The following DPP6 variants were observed in gnomAD, a reference collection of about 807,000 sequenced individuals.
DPP6 encodes the protein A-type potassium channel modulatory protein DPP6.
In DPP6, 69 loss-of-function variants were observed where a neutral mutation model predicts 122.6. The ratio of observed to expected loss-of-function variants is 0.56; its 90% CI spans 0.46 to 0.69. The LOEUF (loss-of-function observed/expected upper bound fraction) is 0.69. DPP6 is among the 30% of genes least tolerant of loss of function. The pLI is 0.00. For synonymous variants in DPP6, 418 were observed against 433.1 expected, an observed-to-expected ratio of 0.97 and a Z score of 0.43; for missense variants, 928 against 1,116.9, an observed-to-expected ratio of 0.83 and a Z score of 2.41.
chr7:154,695,656 A>G (rs1051253803), intron 7 of DPP6, among the ~76,000 whole-genome samples: 3 of 152,142 alleles, frequency 2.0e-5, no homozygotes, highest in Non-Finnish European at 2.9e-5. Flanking sequence ...GGCTCTGCAG[A>G]GCAGGCAAGG....
At chr7:154,578,632 T>G (rs1831843305) in intron 5 of DPP6, among the ~76,000 whole-genome samples, 1 of 152,148 alleles carries the variant, frequency 6.6e-6, no homozygotes, top group East Asian at 1.9e-4. Flanking sequence ...GTGAGTTGCT[T>G]GAACAGTTCC....
At chr7:154,120,247 C>CTT (rs752134239) in intron 1 of DPP6, among the ~76,000 whole-genome samples, 17 of 144,446 alleles carry the variant, frequency 1.2e-4, no homozygotes, top group East Asian at 2.0e-4. Flanking sequence ...TTTCTCTCTT[C>CTT]TTTTTTTTTT....
At chr7:154,824,096 T>C (rs899476949) in intron 16 of DPP6, among the ~76,000 whole-genome samples, 2 of 152,226 alleles carry the variant, frequency 1.3e-5, no homozygotes, top group Non-Finnish European at 2.9e-5. Flanking sequence ...AAAAGTCTGT[T>C]TCTTAGTTGT....
chr7:154,643,467 CTTTTTTT>C (rs61520162), intron 6 of DPP6, among the ~76,000 whole-genome samples: 4 of 117,554 alleles, frequency 3.4e-5, no homozygotes, highest in Admixed American at 1.8e-4. Flanking sequence ...TGAGTAATTT[CTTTTTTT>C]TTTTTTTTTT....
Position 154,804,962 on chromosome 7 carries a change from C to T in DPP6, c.1545C>T (p.Tyr515=). 6.3e-7 allele frequency: 1 copy of T among 1,597,054 alleles called. No homozygotes were observed. ...TEDLPRRRQL[Y]SANTVGNFNR... is the part of the protein sequence containing the mutation. ...ACCTGCCTCGGAGACGACAACTCTA[C>T]AGGTAACTCCTGCTCCCCCTGCACA... Residue 515 remains tyrosine, a splice_region_variant and synonymous_variant, in exon 15 of 26, where the codon TAC becomes TAT. Coordinates refer to ENST00000377770, the MANE Select transcript of DPP6 (RefSeq NM_130797.4).
chr7:153,948,184 A>G (rs1403786386), intron 1 of DPP6, among the ~76,000 whole-genome samples: 1 of 152,186 alleles, frequency 6.6e-6, no homozygotes, highest in Non-Finnish European at 1.5e-5. Flanking sequence ...TTTTTTTTCA[A>G]ATAAGCTGCT....
chr7:154,430,845 T>TGGCA (rs77158264), intron 1 of DPP6, among the ~76,000 whole-genome samples: 13,594 of 152,174 alleles, frequency 0.089, 1,317 homozygotes, highest in African/African-American at 0.25. Context: ...GAAGCTCAGC[T>TGGCA]GGCACATGGT....
At position 154,120,411 on chromosome 7, in the gene DPP6, A is replaced by AT. The variant is rs537898393; in HGVS notation, c.243+67356dup. 2.2e-3 allele frequency among the ~76,000 whole-genome samples: 329 copies of AT among 151,728 alleles called. No individual in the cohort carries two copies. The Middle Eastern group carries it at 0.034, about 16-fold the overall frequency. ...AGGTGTCCGCCACCATGCCCAGCTA[A>AT]TTTTTTTTATTTTTAGTAGAGACGG... On this transcript the variant is annotated intron_variant, in intron 1 of 25. Coordinates refer to ENST00000377770, the MANE Select transcript of DPP6 (RefSeq NM_130797.4).
chr7:154,290,162 T>C (rs1168542414), intron 1 of DPP6, among the ~76,000 whole-genome samples: 2 of 152,242 alleles, frequency 1.3e-5, no homozygotes, highest in African/African-American at 4.8e-5. Flanking sequence ...GTTTTGAGTC[T>C]GGAAGAGAAT....
chr7:154,694,588 G>A (rs966183060), intron 7 of DPP6, among the ~76,000 whole-genome samples: 1 of 151,454 alleles, frequency 6.6e-6, no homozygotes, highest in African/African-American at 2.4e-5. Flanking sequence ...CTCCAGCCTG[G>A]GCAACAAGAG....
chr7:154,402,061 C>T (rs1272919370), intron 1 of DPP6, among the ~76,000 whole-genome samples: 2 of 151,902 alleles, frequency 1.3e-5, no homozygotes, highest in Admixed American at 6.6e-5. Context: ...CCATCTCACA[C>T]CAGTTAGAAT....
intron 12 of DPP6, among the ~76,000 whole-genome samples, chr7:154,797,855 T>A (rs1798134489): frequency 1.3e-5 from 2 of 152,248 alleles, no homozygotes; most frequent in South Asian, 2.1e-4. Flanking sequence ...TTAAAGATGG[T>A]ACATCCTAGA....
chr7:153,893,440 A>C (rs572073633), intron 1 of DPP6, among the ~76,000 whole-genome samples: 1 of 152,358 alleles, frequency 6.6e-6, no homozygotes, highest in East Asian at 1.9e-4. Flanking sequence ...TGAGCGGATG[A>C]ATTCGTTAAA....
At position 154,876,018 on chromosome 7, in the gene DPP6, G is replaced by T. The variant is rs1167715239; in HGVS notation, c.1996G>T (p.Gly666Cys). ...GGTAAAGTGTGACGGCCGTGGCAGC[G>T]GCTTCCAAGGGACCAAGCTCCTGCA... is the stretch of plus-strand genomic sequence containing the variant. Reference protein sequence around the residue: ...VVVKCDGRGSGFQGTKLLHEV... With the variant: ...VVVKCDGRGSCFQGTKLLHEV... Residue 666 changes from glycine (G) to cysteine (C), a missense_variant, in exon 20 of 26, where the codon GGC becomes TGC. Coordinates refer to ENST00000377770, the MANE Select transcript of DPP6 (RefSeq NM_130797.4). The T allele has an allele frequency of 6.2e-7, 1 of 1,612,984 alleles. No homozygotes were observed. Among genetic ancestry groups the T allele is most frequent in the Admixed American group, 1.7e-5 (1 of 59,960 alleles).
intron 5 of DPP6, chr7:154,587,523 A>C: frequency 1.0e-6 from 1 of 988,058 alleles, no homozygotes; most frequent in Non-Finnish European, 1.5e-6. Flanking sequence ...TGAAGACCCA[A>C]TGTGAACATT....
At chr7:154,614,953 A>G (rs1834140691) in intron 5 of DPP6, among the ~76,000 whole-genome samples, 1 of 152,234 alleles carries the variant, frequency 6.6e-6, no homozygotes, top group South Asian at 2.1e-4. Context: ...CTGGGCAAAT[A>G]CATGTGGAGT....
chr7:154,589,277 T>G (rs555333360), intron 5 of DPP6, among the ~76,000 whole-genome samples: 1 of 152,178 alleles, frequency 6.6e-6, no homozygotes, highest in African/African-American at 2.4e-5. Context: ...ATTCAGGGAT[T>G]GAAGGGATAT....
intron 3 of DPP6, among the ~76,000 whole-genome samples, chr7:154,498,780 G>T (rs1217887829): frequency 6.6e-6 from 1 of 152,106 alleles, no homozygotes; most frequent in African/African-American, 2.4e-5. Flanking sequence ...TGCACTGTAG[G>T]ATACATGCCT....
intron 1 of DPP6, among the ~76,000 whole-genome samples, chr7:154,203,005 C>T (rs1799252143): frequency 6.6e-6 from 1 of 152,136 alleles, no homozygotes; most frequent in Non-Finnish European, 1.5e-5. Flanking sequence ...ACAATCAGGA[C>T]ATTAAAGCAG....
Sources: allele counts gnomAD v4.1 joint callset (sites outside exome capture counted in the v4.1 genomes callset), GRCh38; gene constraint gnomAD v4.1.1; transcripts MANE v1.5; gene names NCBI Gene and HGNC (gene_info 2026-07-23, HGNC 2026-07-21).